Variants in FBN2 observed in about 807,000 individuals in gnomAD.
FBN2 encodes the protein fibrillin-2.
Under a neutral mutation model 355.6 loss-of-function variants are expected in FBN2, and 105 were observed. The observed-to-expected ratio is 0.30, with a 90% CI of 0.25 to 0.35. The LOEUF (loss-of-function observed/expected upper bound fraction) is 0.35, where lower values mean the gene tolerates loss of function less well. Ranked by LOEUF, FBN2 falls within the 10% of genes least tolerant of loss-of-function variation. The pLI is 1.00. For missense variants in FBN2, 3,280 were observed against 3,758.7 expected (o/e 0.87, Z 3.33); for synonymous variants, 1,350 against 1,301.2 (o/e 1.04, Z -0.81).
At position 128,408,644 on chromosome 5, in the gene FBN2, T is replaced by C. The variant is rs1429290444; in HGVS notation, c.1078+30A>G. 3 of 1,613,606 alleles carry C rather than the reference T, an allele frequency of 1.9e-6. No individual in the cohort carries two copies. The Admixed American group carries it at 5.0e-5, about 27-fold the overall frequency. On this transcript the variant is annotated intron_variant, in intron 8 of 64. Transcript: ENST00000262464. ...CTGTTTTGTCATTATAAAGACCCAGTGTATTGAGCCTTCAAAATGCGAGGC... is the reference window on the plus strand; with the variant it reads ...CTGTTTTGTCATTATAAAGACCCAGCGTATTGAGCCTTCAAAATGCGAGGC...
At chr5:128,467,763 A>G (rs764558843) in intron 5 of FBN2, among the ~76,000 whole-genome samples, 1 of 152,198 alleles carries the variant, frequency 6.6e-6, no homozygotes, top group African/African-American at 2.4e-5. Context: ...ACGTTATGAC[A>G]TGACCAAGAA....
intron 19 of FBN2, among the ~76,000 whole-genome samples, chr5:128,361,433 C>A (rs1001701308): frequency 2.6e-5 from 4 of 152,172 alleles, no homozygotes; most frequent in Non-Finnish European, 4.4e-5. Flanking sequence ...CATTGTATTT[C>A]AGCAAGTAAA....
intron 16 of FBN2, among the ~76,000 whole-genome samples, chr5:128,367,869 C>CTTT (rs34350133): frequency 6.7e-6 from 1 of 148,982 alleles, no homozygotes; most frequent in Non-Finnish European, 1.5e-5. Flanking sequence ...CATTATTTTT[C>CTTT]TTTTTTTTTT....
At chr5:128,387,573 T>A (rs1030722252) in intron 11 of FBN2, among the ~76,000 whole-genome samples, 1 of 152,142 alleles carries the variant, frequency 6.6e-6, no homozygotes, top group African/African-American at 2.4e-5. Flanking sequence ...GAGACCTTTC[T>A]AACTTTTTGA....
chr5:128,444,177 A>T (rs1219861871), intron 7 of FBN2, among the ~76,000 whole-genome samples: 3 of 142,088 alleles, frequency 2.1e-5, no homozygotes. Context: ...GGTTCACGCC[A>T]TTCTCCTGCC....
chr5:128,391,984 A>G, intron 11 of FBN2, 34 bp downstream of exon 11: 2 of 1,599,624 alleles, frequency 1.3e-6, no homozygotes, highest in East Asian at 2.2e-5. Flanking sequence ...TACTAAAAAA[A>G]CTAAGAAGGA....
chr5:128,336,537 C>T (rs576956242), intron 27 of FBN2, among the ~76,000 whole-genome samples: 55 of 152,326 alleles, frequency 3.6e-4, no homozygotes, highest in Admixed American at 2.4e-3. Flanking sequence ...TACACTGGCA[C>T]GCTCACCTGG....
chr5:128,536,307 A>C (rs749220143), intron 2 of FBN2, 95 bp downstream of exon 2: 27 of 921,416 alleles, frequency 2.9e-5, no homozygotes, highest in Non-Finnish European at 4.6e-5. Flanking sequence ...TTGATTTTAA[A>C]CGCAACTATG....
At chr5:128,352,622 G>A (rs1751398086) in intron 20 of FBN2, among the ~76,000 whole-genome samples, 1 of 152,174 alleles carries the variant, frequency 6.6e-6, no homozygotes, top group African/African-American at 2.4e-5. Context: ...TTTCCTTGTA[G>A]AGCAGTGGCT....
At chr5:128,494,138 T>C (rs1289611579) in intron 5 of FBN2, among the ~76,000 whole-genome samples, 2 of 152,140 alleles carry the variant, frequency 1.3e-5, no homozygotes, top group Non-Finnish European at 2.9e-5. Flanking sequence ...CTGCATCCTA[T>C]TTATAAAGCA....
intron 16 of FBN2, 55 bp downstream of exon 16, chr5:128,369,127 C>A: frequency 6.4e-7 from 1 of 1,574,126 alleles, no homozygotes; most frequent in Non-Finnish European, 8.7e-7. Context: ...GGCCAAACAT[C>A]TAAGGTTGTA....
chr5:128,433,855 A>C (rs773359804), intron 7 of FBN2, among the ~76,000 whole-genome samples: 5 of 152,224 alleles, frequency 3.3e-5, no homozygotes, highest in Non-Finnish European at 7.3e-5. Context: ...TATGTGAAAT[A>C]TGAAACCACA....
intron 6 of FBN2, among the ~76,000 whole-genome samples, chr5:128,456,025 C>CAAAAAAAAAAAAAAA (rs1754384315): frequency 4.3e-5 from 2 of 46,742 alleles, no homozygotes; most frequent in African/African-American, 1.2e-4. Flanking sequence ...AAAAAAAAAG[C>CAAAAAAAAAAAAAAA]AACTGCTGAA....
chr5:128,326,967 G>C (rs1372350065), intron 34 of FBN2, among the ~76,000 whole-genome samples: 1 of 152,124 alleles, frequency 6.6e-6, no homozygotes, highest in African/African-American at 2.4e-5. Flanking sequence ...ATCCTGTCTG[G>C]GTATAAAGAA....
At chr5:128,289,736 T>A in intron 51 of FBN2, 146 bp downstream of exon 51, 1 of 627,228 alleles carries the variant, frequency 1.6e-6, no homozygotes, top group South Asian at 2.1e-5. Context: ...GTATAATGTA[T>A]ATGATACAAA....
chr5:128,535,248 T>A (rs1756816090), intron 2 of FBN2, among the ~76,000 whole-genome samples: 1 of 152,208 alleles, frequency 6.6e-6, no homozygotes, highest in Non-Finnish European at 1.5e-5. Context: ...AAGAAATTAG[T>A]CTTTATGACA....
At chr5:128,281,405 TAATG>T in intron 55 of FBN2, among the ~76,000 whole-genome samples, 2 of 152,336 alleles carry the variant, frequency 1.3e-5, no homozygotes, top group Middle Eastern at 3.4e-3. Context: ...CACACATTCT[TAATG>T]AATAATTTTC....
At chr5:128,312,129 C>T (rs1750073711) in intron 37 of FBN2, among the ~76,000 whole-genome samples, 176 bp from the exon 38 acceptor site, 1 of 152,152 alleles carries the variant, frequency 6.6e-6, no homozygotes, top group Admixed American at 6.5e-5. Context: ...AAAGATCATA[C>T]TTTATTAATC....
At chr5:128,349,853 G>A in intron 22 of FBN2, 102 bp downstream of exon 22, 1 of 911,358 alleles carries the variant, frequency 1.1e-6, no homozygotes, top group Non-Finnish European at 1.8e-6. Flanking sequence ...GAAATGTCAA[G>A]GTTTTTGAAA....
Sources: gnomAD v4.1 joint callset for allele counts (sites outside exome capture counted in the v4.1 genomes callset) on GRCh38, gnomAD v4.1.1 for gene constraint, MANE v1.5 for transcripts, NCBI Gene and HGNC (gene_info 2026-07-23, HGNC 2026-07-21) for gene names.